Variants in CEMIP observed in about 807,000 individuals in gnomAD.
The protein encoded by CEMIP is cell migration inducing hyaluronidase 1.
In CEMIP, 105 loss-of-function variants were observed where a neutral mutation model predicts 156.9. The observed-to-expected ratio is 0.67, with a 90% CI of 0.57 to 0.79. The LOEUF (loss-of-function observed/expected upper bound fraction) is 0.79, where lower values mean the gene tolerates loss of function less well. Ranked by LOEUF, CEMIP falls within the 30% of genes least tolerant of loss-of-function variation. The pLI is 0.00. For missense variants in CEMIP, 1,457 were observed against 1,769.4 expected, an observed-to-expected ratio of 0.82 and a Z score of 3.17; for synonymous variants, 676 against 668.4, an observed-to-expected ratio of 1.01 and a Z score of -0.17.
intron 1 of CEMIP, among the ~76,000 whole-genome samples, chr15:80,823,559 T>C (rs1193406505): frequency 6.6e-6 from 1 of 152,162 alleles, no homozygotes; most frequent in African/African-American, 2.4e-5. Context: ...CCAGTCCCTT[T>C]CCCCTTCTGT....
At chr15:80,825,728 A>G (rs73501014) in intron 1 of CEMIP, among the ~76,000 whole-genome samples, 9,614 of 152,198 alleles carry the variant, frequency 0.063, 900 homozygotes, top group African/African-American at 0.21. Context: ...ATCTGGCCAG[A>G]TCTCTCAGAT....
intron 1 of CEMIP, among the ~76,000 whole-genome samples, chr15:80,817,712 T>C (rs983353186): frequency 6.6e-6 from 1 of 151,884 alleles, no homozygotes; most frequent in East Asian, 1.9e-4. Flanking sequence ...TGACAACTGC[T>C]GCAAAGATGA....
At chr15:80,794,513 A>G (rs1372368228) in intron 1 of CEMIP, among the ~76,000 whole-genome samples, 1 of 152,210 alleles carries the variant, frequency 6.6e-6, no homozygotes, top group Non-Finnish European at 1.5e-5. Flanking sequence ...TAGTAGCCCC[A>G]CTAAGACAAA....
At chr15:80,936,422 G>A (rs1901123267) in intron 23 of CEMIP, among the ~76,000 whole-genome samples, 3 of 152,198 alleles carry the variant, frequency 2.0e-5, no homozygotes. Context: ...TCCACTGGAA[G>A]CTCAACAGAG....
In CEMIP at chr15:80,881,003, A is replaced by G; in HGVS notation, c.484A>G (p.Thr162Ala). ...GCATGGACAGAAAAAGCTCTCCTGG[A>G]CATTTCTGAACAAGACCCTTCACCC... Reference protein sequence around the residue: ...ELHGQKKLSWTFLNKTLHPGG... With the variant: ...ELHGQKKLSWAFLNKTLHPGG... Residue 162 changes from threonine to alanine, a missense_variant, in exon 6 of 30, where the codon ACA becomes GCA. Around this residue, in one of 5 missense-constraint regions of CEMIP, gnomAD observed 309 missense variants for 340.8 expected, o/e 0.91. Coordinates refer to ENST00000394685, the MANE Select transcript of CEMIP (RefSeq NM_001293298.2). 1 of 1,614,234 alleles carries G rather than the reference A, an allele frequency of 6.2e-7. No individual in the cohort carries two copies. The highest frequency in any genetic ancestry group is 1.3e-5 in the African/African-American group (1 of 75,050).
chr15:80,890,860 G>A (rs1596163018), intron 10 of CEMIP, among the ~76,000 whole-genome samples: 1 of 152,170 alleles, frequency 6.6e-6, no homozygotes, highest in African/African-American at 2.4e-5. Flanking sequence ...AGCAAAGTCT[G>A]AGGAAAACTT....
At chr15:80,925,913 C>T (rs1477024127) in intron 19 of CEMIP, among the ~76,000 whole-genome samples, 158 bp downstream of exon 19, 1 of 152,146 alleles carries the variant, frequency 6.6e-6, no homozygotes, top group Non-Finnish European at 1.5e-5. Context: ...AGAATGGCAG[C>T]AGGCAGTGGC....
chr15:80,883,821 T>C (rs1898742873), intron 6 of CEMIP, among the ~76,000 whole-genome samples: 1 of 152,186 alleles, frequency 6.6e-6, no homozygotes, highest in African/African-American at 2.4e-5. Flanking sequence ...CCAAGAGGCA[T>C]GATCCTCTGC....
chr15:80,874,452 C>G (rs1316921830), intron 3 of CEMIP, among the ~76,000 whole-genome samples: 1 of 149,662 alleles, frequency 6.7e-6, no homozygotes. Flanking sequence ...AATGTAAAAA[C>G]CACTCTAATA....
intron 14 of CEMIP, among the ~76,000 whole-genome samples, chr15:80,917,287 G>GCGCAGGA (rs1567099788): frequency 6.6e-6 from 1 of 150,910 alleles, no homozygotes; most frequent in African/African-American, 2.4e-5. Flanking sequence ...AAAGAGCTAT[G>GCGCAGGA]GGCAGGAGGC....
At chr15:80,891,156 G>A (rs1334278465) in intron 10 of CEMIP, among the ~76,000 whole-genome samples, 2 of 152,210 alleles carry the variant, frequency 1.3e-5, no homozygotes, top group African/African-American at 4.8e-5. Context: ...TTCTGGAAAT[G>A]CTCAAGGAAT....
intron 26 of CEMIP, 99 bp downstream of exon 26, chr15:80,942,152 T>G (rs1596210543): frequency 6.7e-7 from 1 of 1,490,566 alleles, no homozygotes; most frequent in East Asian, 2.3e-5. Context: ...GGTCCCTCAC[T>G]CAGCTCCATA....
chr15:80,941,769 G>A (rs56105462), intron 25 of CEMIP, 80 bp from the exon 26 acceptor site: 1 of 1,331,258 alleles, frequency 7.5e-7, no homozygotes, highest in Non-Finnish European at 1.1e-6. Context: ...CCAGCTCAGA[G>A]TAAATGTCTC....
In CEMIP at chr15:80,873,519, C is replaced by T; in HGVS notation, c.-175-19C>T. 3.1e-6 allele frequency: 1 copy of T among 327,754 alleles called. No homozygotes were observed. Among genetic ancestry groups the T allele is most frequent in the Non-Finnish European group, 5.9e-6 (1 of 168,666 alleles). 20.3% of individuals were successfully genotyped at this position (327,754 alleles called of 1,614,324 possible). A position where few individuals can be genotyped will look rare whatever the true frequency, so the allele number is the denominator to read the frequency against. On this transcript the variant is annotated intron_variant, in intron 1 of 29. Coordinates refer to ENST00000394685, the MANE Select transcript of CEMIP (RefSeq NM_001293298.2). ...GTTCAGTGGGAGTATTTTTGTTCTG[C>T]TCTGTTTCTTAACTTAAGAGAAAAG...
At chr15:80,931,162 G>A (rs1363284295) in intron 21 of CEMIP, among the ~76,000 whole-genome samples, 1 of 152,210 alleles carries the variant, frequency 6.6e-6, no homozygotes, top group Non-Finnish European at 1.5e-5. Context: ...GGGTCTCAGG[G>A]CCTTCTTGGG....
At position 80,925,665 on chromosome 15, in the gene CEMIP, AGCCG is replaced by A; in HGVS notation, c.2334_2337del (p.Ala779SerfsTer36). On this transcript the variant is annotated frameshift_variant, in exon 19 of 30. Transcript: ENST00000394685. LOFTEE classifies it high-confidence loss of function. ...GACGCCGACCCGCTGAAGCCCCGGG[AGCCG>A]GCCATCATCAGACACTTCATTGCCT... 6.2e-7 allele frequency: 1 copy of A among 1,613,708 alleles called. No individual in the cohort carries two copies. Among genetic ancestry groups the A allele is most frequent in the Non-Finnish European group, 8.5e-7 (1 of 1,179,992 alleles).
chr15:80,826,239 T>A (rs1897035119), intron 1 of CEMIP, among the ~76,000 whole-genome samples: 1 of 152,242 alleles, frequency 6.6e-6, no homozygotes, highest in Non-Finnish European at 1.5e-5. Context: ...ACTCATTTGC[T>A]GTCAAGTTAC....
chr15:80,790,383 C>A (rs1229335235), intron 1 of CEMIP, among the ~76,000 whole-genome samples: 1 of 152,222 alleles, frequency 6.6e-6, no homozygotes, highest in Non-Finnish European at 1.5e-5. Flanking sequence ...GAGGTCTGTA[C>A]TCCTGTGGCT....
intron 1 of CEMIP, among the ~76,000 whole-genome samples, chr15:80,786,775 A>G (rs1895951272): frequency 6.6e-6 from 1 of 152,164 alleles, no homozygotes; most frequent in African/African-American, 2.4e-5. Flanking sequence ...GGACAAACAA[A>G]GTTGTGAGCT....
Sources: gnomAD v4.1 joint callset for allele counts (sites outside exome capture counted in the v4.1 genomes callset) on GRCh38, gnomAD v4.1.1 for gene constraint, gnomAD v4.1.1 regional missense constraint, MANE v1.5 for transcripts, NCBI Gene and HGNC (gene_info 2026-07-23, HGNC 2026-07-21) for gene names.